The following EYS variants were observed in gnomAD, a reference collection of about 807,000 sequenced individuals.
The protein encoded by EYS is EGF-like photoreceptor maintenance factor, also known as protein eyes shut homolog.
In EYS, 250 loss-of-function variants were observed where a neutral mutation model predicts 282.1. That is an observed-to-expected ratio of 0.89 (90% confidence interval 0.80 to 0.98). The LOEUF is 0.98. Among genes scored for constraint, EYS ranks in the 50% least tolerant of loss-of-function variants. The pLI, the probability that EYS is intolerant of heterozygous loss-of-function variation, is 0.00. For missense variants in EYS, 4,016 were observed against 3,709.0 expected, an observed-to-expected ratio of 1.08 and a Z score of -2.15; for synonymous variants, 1,355 against 1,282.9, an observed-to-expected ratio of 1.06 and a Z score of -1.20.
At chr6:64,643,121 C>CAAA (rs1057313960) in intron 22 of EYS, among the ~76,000 whole-genome samples, 1 of 74,690 alleles carries the variant, frequency 1.3e-5, no homozygotes, top group Non-Finnish European at 2.7e-5. Flanking sequence ...ATCCCCCCCC[C>CAAA]CAAAAAAAAA....
chr6:64,641,945 A>T (rs1027907637), intron 22 of EYS, among the ~76,000 whole-genome samples: 18 of 152,140 alleles, frequency 1.2e-4, no homozygotes, highest in Non-Finnish European at 2.4e-4. Flanking sequence ...TATGTGAAAA[A>T]ATTTTCTTCC....
chr6:63,962,126 T>G, intron 35 of EYS, among the ~76,000 whole-genome samples: 1 of 152,172 alleles, frequency 6.6e-6, no homozygotes, highest in Non-Finnish European at 1.5e-5. Flanking sequence ...GATTAAAGAC[T>G]TAGATGTTAG....
intron 29 of EYS, among the ~76,000 whole-genome samples, chr6:64,307,585 G>T (rs561565199): frequency 6.6e-6 from 1 of 152,028 alleles, no homozygotes; most frequent in Non-Finnish European, 1.5e-5. Flanking sequence ...GCAGATTTAG[G>T]TCAAGAGATA....
chr6:65,296,163 ATT>A, intron 11 of EYS, 44 bp from the exon 12 acceptor site: 1 of 1,457,498 alleles, frequency 6.9e-7, no homozygotes, highest in Non-Finnish European at 9.2e-7. Context: ...CATATACTTT[ATT>A]TTGATATATT....
intron 22 of EYS, among the ~76,000 whole-genome samples, chr6:64,688,065 G>C (rs186745792): frequency 6.6e-6 from 1 of 151,924 alleles, no homozygotes; most frequent in African/African-American, 2.4e-5. Context: ...GGGATCGGTG[G>C]TGGTATCCCC....
At chr6:65,585,144 C>T (rs997101340) in intron 2 of EYS, among the ~76,000 whole-genome samples, 3 of 151,830 alleles carry the variant, frequency 2.0e-5, no homozygotes, top group East Asian at 1.9e-4. Context: ...TACAATAAAG[C>T]ATTAATTCGA....
chr6:64,336,219 C>T (rs779334487), intron 29 of EYS, among the ~76,000 whole-genome samples: 1 of 152,124 alleles, frequency 6.6e-6, no homozygotes, highest in South Asian at 2.1e-4. Flanking sequence ...CACCAAACAA[C>T]TACCTGCTGC....
At chr6:63,735,736 G>C (rs1768894875) in intron 41 of EYS, among the ~76,000 whole-genome samples, 1 of 152,048 alleles carries the variant, frequency 6.6e-6, no homozygotes, top group Non-Finnish European at 1.5e-5. Context: ...TTCCAACAAG[G>C]TCTCTTTTTC....
intron 12 of EYS, among the ~76,000 whole-genome samples, chr6:65,232,868 TTC>T (rs567183087): frequency 1.3e-3 from 199 of 152,264 alleles, no homozygotes; most frequent in African/African-American, 4.4e-3. Context: ...AAACTGCCTA[TTC>T]TAGACTTTTC....
intron 13 of EYS, among the ~76,000 whole-genome samples, chr6:65,043,614 G>A (rs78643016): frequency 0.038 from 5,725 of 151,366 alleles, 366 homozygotes; most frequent in African/African-American, 0.13. Context: ...AACGTTTTTA[G>A]ATTTCATATG....
chr6:65,211,171 A>G (rs2150252161), intron 12 of EYS, among the ~76,000 whole-genome samples: 1 of 152,214 alleles, frequency 6.6e-6, no homozygotes, highest in South Asian at 2.1e-4. Flanking sequence ...TAGGAGAAGT[A>G]TTGGAGTTAC....
intron 31 of EYS, among the ~76,000 whole-genome samples, chr6:64,121,733 G>C (rs1372747622): frequency 6.6e-6 from 1 of 152,026 alleles, no homozygotes; most frequent in Non-Finnish European, 1.5e-5. Flanking sequence ...CCAATTTCAA[G>C]AAATTACCCT....
chr6:63,965,864 A>G lies in EYS; in HGVS notation c.7055+18519T>C, dbSNP rs1022886096. 6.6e-5 allele frequency among the ~76,000 whole-genome samples: 10 copies of G among 152,206 alleles called. No homozygotes were observed. In the South Asian group the frequency reaches 1.4e-3, roughly 22 times the overall value. ...ATAGTAAATATCACGAGTGCCAGTG[A>G]AAAGAATCATGGGCATTTTACCATC... is the stretch of plus-strand genomic sequence containing the variant. On this transcript the variant is annotated intron_variant, in intron 35 of 42. Transcript: ENST00000503581.
At chr6:64,990,360 C>A (rs1771023136) in intron 14 of EYS, among the ~76,000 whole-genome samples, 1 of 151,574 alleles carries the variant, frequency 6.6e-6, no homozygotes, top group South Asian at 2.1e-4. Context: ...AGTGGAATTC[C>A]TGTAGAATGT....
At chr6:64,820,337 T>C (rs1676672680) in intron 21 of EYS, among the ~76,000 whole-genome samples, 1 of 152,130 alleles carries the variant, frequency 6.6e-6, no homozygotes, top group Admixed American at 6.6e-5. Flanking sequence ...TACGCATGCA[T>C]ATATACATAC....
intron 2 of EYS, among the ~76,000 whole-genome samples, chr6:65,559,796 T>C (rs1353124051): frequency 6.6e-6 from 1 of 152,058 alleles, no homozygotes; most frequent in African/African-American, 2.4e-5. Flanking sequence ...TGTCCAATTT[T>C]TGAATTTATG....
chr6:64,536,132 A>G (rs1240777014), intron 26 of EYS, among the ~76,000 whole-genome samples: 2 of 152,128 alleles, frequency 1.3e-5, no homozygotes, highest in Admixed American at 1.3e-4. Context: ...CACATGAAAA[A>G]GCAAATTATA....
chr6:63,961,694 T>C (rs950472382), intron 35 of EYS, among the ~76,000 whole-genome samples: 1 of 152,148 alleles, frequency 6.6e-6, no homozygotes, highest in African/African-American at 2.4e-5. Context: ...CTCAAGTCTC[T>C]TTTATAGGGG....
chr6:64,567,900 T>C (rs1197994726), intron 26 of EYS, among the ~76,000 whole-genome samples: 3 of 152,224 alleles, frequency 2.0e-5, no homozygotes, highest in Non-Finnish European at 4.4e-5. Flanking sequence ...TTTTATGTTT[T>C]GGACAACAGA....
Sources: gnomAD v4.1 joint callset for allele counts (sites outside exome capture counted in the v4.1 genomes callset) on GRCh38, gnomAD v4.1.1 for gene constraint, MANE v1.5 for transcripts, NCBI Gene and HGNC (gene_info 2026-07-23, HGNC 2026-07-21) for gene names.